The following NKAIN2 variants were observed in gnomAD, a reference collection of about 807,000 sequenced individuals.
The protein encoded by NKAIN2 is sodium/potassium transporting ATPase interacting 2.
Under a neutral mutation model 32.6 loss-of-function variants are expected in NKAIN2, and 14 were observed. The ratio of observed to expected loss-of-function variants is 0.43; its 90% CI spans 0.28 to 0.67. The LOEUF (loss-of-function observed/expected upper bound fraction) is 0.67, where lower values mean the gene tolerates loss of function less well. NKAIN2 is among the 30% of genes least tolerant of loss of function. NKAIN2 has a pLI of 0.17. For missense variants in NKAIN2, 198 were observed against 258.3 expected (o/e 0.77, Z 1.60); for synonymous variants, 80 against 87.2 (o/e 0.92, Z 0.46).
chr6:124,147,732 T>C (rs1229666488), intron 1 of NKAIN2, among the ~76,000 whole-genome samples: 1 of 152,184 alleles, frequency 6.6e-6, no homozygotes, highest in Non-Finnish European at 1.5e-5. Flanking sequence ...ACGTGTTTGC[T>C]GTGGAAGCTT....
chr6:124,687,741 T>TACACACACACACAC (rs1392017501), intron 4 of NKAIN2, among the ~76,000 whole-genome samples: 1 of 30,000 alleles, frequency 3.3e-5, no homozygotes, highest in Non-Finnish European at 8.6e-5. Flanking sequence ...ATATATGATA[T>TACACACACACACAC]ATACACACAC....
chr6:124,796,975 C>T lies in NKAIN2; in HGVS notation c.535+5576C>T, dbSNP rs1780026533. On this transcript the variant is annotated intron_variant, in intron 5 of 6. Coordinates refer to ENST00000368417, the MANE Select transcript of NKAIN2 (RefSeq NM_001040214.3). Reference sequence around the variant, plus strand: ...TAAAGAAAGAAAATGTTTGGAGATTCCTGGTCGGGTGTGCCTTTTATTATA... The same window carrying T: ...TAAAGAAAGAAAATGTTTGGAGATTTCTGGTCGGGTGTGCCTTTTATTATA... 1.3e-5 allele frequency among the ~76,000 whole-genome samples: 2 copies of T among 151,946 alleles called. 1 individual carries two copies. Among genetic ancestry groups the T allele is most frequent in the South Asian group, 4.1e-4 (2 of 4,820 alleles).
intron 3 of NKAIN2, among the ~76,000 whole-genome samples, chr6:124,594,705 A>G (rs138636951): frequency 6.6e-6 from 1 of 152,220 alleles, no homozygotes; most frequent in Non-Finnish European, 1.5e-5. Context: ...ATTAATTATC[A>G]TTAGGTGGAT....
intron 1 of NKAIN2, among the ~76,000 whole-genome samples, chr6:123,963,297 T>G (rs1475731001): frequency 1.3e-5 from 2 of 152,174 alleles, no homozygotes; most frequent in African/African-American, 4.8e-5. Flanking sequence ...GAACAAAAGA[T>G]AAAACTCTTC....
intron 4 of NKAIN2, among the ~76,000 whole-genome samples, chr6:124,772,266 A>G (rs1333502811): frequency 6.6e-6 from 1 of 152,134 alleles, no homozygotes; most frequent in Non-Finnish European, 1.5e-5. Context: ...TGTAGGGTGG[A>G]AGTATAGGTG....
At chr6:124,549,647 C>T (rs905347378) in intron 3 of NKAIN2, among the ~76,000 whole-genome samples, 3 of 152,194 alleles carry the variant, frequency 2.0e-5, no homozygotes, top group African/African-American at 4.8e-5. Context: ...TGCCTTCTCT[C>T]CTCGAATCTG....
intron 3 of NKAIN2, among the ~76,000 whole-genome samples, chr6:124,366,306 A>G (rs1245961498): frequency 2.6e-5 from 4 of 152,180 alleles, no homozygotes; most frequent in African/African-American, 9.6e-5. Flanking sequence ...GAGAGAGTAC[A>G]TTATGAACAA....
At chr6:124,777,722 T>TAGA (rs921195240) in intron 4 of NKAIN2, among the ~76,000 whole-genome samples, 2 of 152,088 alleles carry the variant, frequency 1.3e-5, no homozygotes, top group African/African-American at 4.8e-5. Flanking sequence ...GAAAGGGATT[T>TAGA]AGAAGGAATC....
intron 1 of NKAIN2, among the ~76,000 whole-genome samples, chr6:124,110,756 A>G (rs528580549): frequency 5.3e-5 from 8 of 152,148 alleles, no homozygotes; most frequent in African/African-American, 1.4e-4. Context: ...ATAATATTCC[A>G]TGGTGTTTAT....
intron 3 of NKAIN2, among the ~76,000 whole-genome samples, chr6:124,378,255 G>C (rs2114357222): frequency 6.6e-6 from 1 of 152,236 alleles, no homozygotes; most frequent in Non-Finnish European, 1.5e-5. Flanking sequence ...ATTACTTATA[G>C]ATAGGCAGCA....
At chr6:123,938,396 TTA>T (rs71021471) in intron 1 of NKAIN2, among the ~76,000 whole-genome samples, 21 of 54,150 alleles carry the variant, frequency 3.9e-4, no homozygotes, top group African/African-American at 4.8e-4. Flanking sequence ...TTTGCAAGGG[TTA>T]TATATATATA....
intron 1 of NKAIN2, among the ~76,000 whole-genome samples, chr6:123,981,524 C>T (rs921536167): frequency 6.6e-6 from 1 of 152,200 alleles, no homozygotes; most frequent in East Asian, 1.9e-4. Flanking sequence ...TGTTTCCAGT[C>T]GCTTTCATTC....
intron 3 of NKAIN2, among the ~76,000 whole-genome samples, chr6:124,478,846 T>C (rs939989732): frequency 6.6e-6 from 1 of 152,052 alleles, no homozygotes; most frequent in Non-Finnish European, 1.5e-5. Flanking sequence ...AATAGTACAG[T>C]ATGGAAGTGA....
chr6:124,390,096 G>A (rs1309061499), intron 3 of NKAIN2, among the ~76,000 whole-genome samples: 3 of 152,078 alleles, frequency 2.0e-5, no homozygotes, highest in East Asian at 3.9e-4. Context: ...GTGTTCTTTC[G>A]TCTTTGCTGC....
intron 2 of NKAIN2, among the ~76,000 whole-genome samples, chr6:124,317,179 G>A (rs554910004): frequency 6.6e-5 from 10 of 152,168 alleles, no homozygotes; most frequent in African/African-American, 2.2e-4. Context: ...GATGGTAGAT[G>A]TCAGGAGTGT....
chr6:124,254,937 G>A (rs942327721), intron 1 of NKAIN2, among the ~76,000 whole-genome samples: 2 of 152,008 alleles, frequency 1.3e-5, no homozygotes, highest in South Asian at 2.1e-4. Flanking sequence ...AGCCTTTCTC[G>A]TTAAGTCCCC....
chr6:124,667,036 T>G (rs1047639722), intron 4 of NKAIN2, among the ~76,000 whole-genome samples: 2 of 152,176 alleles, frequency 1.3e-5, no homozygotes, highest in African/African-American at 4.8e-5. Context: ...TAAATCCTAC[T>G]AAATTTACTT....
chr6:123,842,979 G>A (rs948175273), intron 1 of NKAIN2, among the ~76,000 whole-genome samples: 1 of 152,138 alleles, frequency 6.6e-6, no homozygotes, highest in Non-Finnish European at 1.5e-5. Context: ...GTGGGATAGG[G>A]GTACACAGGT....
chr6:124,464,880 A>G (rs868221751), intron 3 of NKAIN2, among the ~76,000 whole-genome samples: 1 of 151,974 alleles, frequency 6.6e-6, no homozygotes, highest in Non-Finnish European at 1.5e-5. Context: ...AATTTAAAGT[A>G]GTTTTTTTTT....
Sources: allele counts gnomAD v4.1 joint callset (sites outside exome capture counted in the v4.1 genomes callset), GRCh38; gene constraint gnomAD v4.1.1; transcripts MANE v1.5; gene names NCBI Gene and HGNC (gene_info 2026-07-23, HGNC 2026-07-21).